Variants in AHCYL1 observed in about 807,000 individuals in gnomAD.
AHCYL1 encodes the protein S-adenosylhomocysteine hydrolase-like protein 1.
Under a neutral mutation model 79.3 loss-of-function variants are expected in AHCYL1, and 20 were observed. That is an observed-to-expected ratio of 0.25 (90% CI 0.18 to 0.37). AHCYL1 has a LOEUF of 0.37. AHCYL1 is among the 10% of genes least tolerant of loss of function. The pLI, the probability that AHCYL1 is intolerant of heterozygous loss-of-function variation, is 1.00. For synonymous variants in AHCYL1, 223 were observed against 242.2 expected (o/e 0.92, Z 0.74); for missense variants, 330 against 673.6 (o/e 0.49, Z 5.65).
At chr1:110,016,765 G>A (rs1651446148) in intron 9 of AHCYL1, 35 bp downstream of exon 9, 10 of 1,612,132 alleles carry the variant, frequency 6.2e-6, no homozygotes, top group Non-Finnish European at 8.5e-6. Context: ...CTTTCTTTTT[G>A]TGTACTTATT....
intron 12 of AHCYL1, 27 bp from the exon 13 acceptor site, chr1:110,018,525 T>C (rs771604414): frequency 3.7e-6 from 6 of 1,613,998 alleles, no homozygotes; most frequent in Non-Finnish European, 4.2e-6. Context: ...TTAATAACCA[T>C]AGTCAACTGT....
chr1:109,995,477 G>A (rs1392745763), intron 1 of AHCYL1, among the ~76,000 whole-genome samples: 3 of 152,162 alleles, frequency 2.0e-5, no homozygotes, highest in Admixed American at 1.3e-4. Context: ...TCCATCTGAT[G>A]GATTGTCTGT....
Position 110,011,242 on chromosome 1 carries a change from TG to T in AHCYL1, c.262del (p.Glu88ArgfsTer20). 1 of 1,614,110 alleles carries T rather than the reference TG, an allele frequency of 6.2e-7. No individual in the cohort carries two copies. The highest frequency in any genetic ancestry group is 8.5e-7 in the Non-Finnish European group (1 of 1,179,994). ...AASYTDSSDD[E>X]VSPREKQQTN... ...CATCCTACACAGATAGCTCTGATGA[TG>T]AGGTTTCTCCCCGAGAGAAGCAGCA... On this transcript the variant is annotated frameshift_variant, in exon 3 of 17. Coordinates refer to ENST00000369799, the MANE Select transcript of AHCYL1 (RefSeq NM_006621.7). LOFTEE classifies it high-confidence loss of function.
chr1:110,017,300 T>C (rs1557774964), intron 9 of AHCYL1, among the ~76,000 whole-genome samples, 195 bp from the exon 10 acceptor site: 1 of 152,170 alleles, frequency 6.6e-6, no homozygotes, highest in Admixed American at 6.5e-5. Context: ...GTCTGCTAAA[T>C]TACCTCTCTA....
In AHCYL1 at chr1:110,012,886, C is replaced by T. The variant is rs369037779; in HGVS notation, c.478-11C>T. The T allele has an allele frequency of 6.8e-6, 11 of 1,606,016 alleles. No individual in the cohort carries two copies. In the African/African-American group the frequency reaches 1.5e-4, roughly 22 times the overall value. Reference sequence around the variant, plus strand: ...CTCTTCCTCACCCTGTCTTCCTACACTTCTACACAGGTGTTGATTGAGACA... The same window carrying T: ...CTCTTCCTCACCCTGTCTTCCTACATTTCTACACAGGTGTTGATTGAGACA... On this transcript the variant is annotated splice_polypyrimidine_tract_variant and intron_variant, in intron 4 of 16. Transcript: ENST00000369799.
intron 3 of AHCYL1, among the ~76,000 whole-genome samples, 166 bp from the exon 4 acceptor site, chr1:110,012,196 G>C (rs1210817243): frequency 1.1e-4 from 16 of 152,224 alleles, no homozygotes; most frequent in Non-Finnish European, 2.9e-5. Flanking sequence ...TTGCATGACT[G>C]CTCTCCACTA....
rs1325706444 is a variant in AHCYL1 at position 110,019,124 on chromosome 1, G to A, written c.1386+5G>A. ...TCCATCACAGCCACAACACAGGTATGTGGCAAAATGCCTGCTTACACTGCA... is the reference window on the plus strand; with the variant it reads ...TCCATCACAGCCACAACACAGGTATATGGCAAAATGCCTGCTTACACTGCA... On this transcript the variant is annotated splice_donor_5th_base_variant and intron_variant, in intron 14 of 16. Coordinates refer to ENST00000369799, the MANE Select transcript of AHCYL1 (RefSeq NM_006621.7). 6.2e-7 allele frequency: 1 copy of A among 1,613,880 alleles called. No homozygotes were observed. Among genetic ancestry groups the A allele is most frequent in the African/African-American group, 1.3e-5 (1 of 74,924 alleles).
chr1:110,000,184 A>G lies in AHCYL1; in HGVS notation c.121-8850A>G, dbSNP rs372650255. 5.9e-5 allele frequency among the ~76,000 whole-genome samples: 9 copies of G among 152,350 alleles called. No individual in the cohort carries two copies. The East Asian group carries it at 1.2e-3, about 20-fold the overall frequency. ...TAACCAGCGAATTTCCCCAGTGACC[A>G]AAAGAGGAAAAAGAAAAAATCAGTG... is the stretch of plus-strand genomic sequence containing the variant. On this transcript the variant is annotated intron_variant, in intron 1 of 16. Transcript: ENST00000369799.
rs887647324 is a variant in AHCYL1 at position 110,022,579 on chromosome 1, A to G, written c.*899A>G. 4.6e-5 allele frequency: 7 copies of G among 152,624 alleles called. No individual in the cohort carries two copies. The highest frequency in any genetic ancestry group is 8.8e-5 in the Non-Finnish European group (6 of 68,040). 9.5% of individuals were successfully genotyped at this position (152,624 alleles called of 1,614,324 possible). ...ATAGCATCAGTGAACTGGAGCCACA[A>G]CAGCAAATTCTATCAGCTGTGTACC... On this transcript the variant is annotated 3_prime_UTR_variant, in exon 17 of 17. Transcript: ENST00000369799.
chr1:110,016,347 G>T lies in AHCYL1; in HGVS notation c.786G>T (p.Leu262=), dbSNP rs149672808. Residue 262 remains leucine, a synonymous_variant, in exon 8 of 17, where the codon CTG becomes CTT. Coordinates refer to ENST00000369799, the MANE Select transcript of AHCYL1 (RefSeq NM_006621.7). ...VEESVTGVHR[L]YQLSKAGKLC... ...TTGTGACCTCTTCTCTCTTTAGGCT[G>T]TATCAGCTCTCCAAAGCTGGGAAGC... The T allele has an allele frequency of 6.2e-7, 1 of 1,611,876 alleles. No individual in the cohort carries two copies. The highest frequency in any genetic ancestry group is 1.3e-5 in the African/African-American group (1 of 74,894).
intron 13 of AHCYL1, 150 bp from the exon 14 acceptor site, chr1:110,018,901 A>T: frequency 1.2e-6 from 1 of 807,262 alleles, no homozygotes; most frequent in South Asian, 1.6e-5. Context: ...AGAAAATAGG[A>T]AAAAGCCTAG....
At chr1:109,989,715 C>T (rs922935794) in intron 1 of AHCYL1, among the ~76,000 whole-genome samples, 11 of 152,284 alleles carry the variant, frequency 7.2e-5, no homozygotes, top group African/African-American at 2.2e-4. Flanking sequence ...TTTATACGTA[C>T]CTGTTTCTCA....
At chr1:110,004,353 A>G (rs1286986381) in intron 1 of AHCYL1, 4 of 985,388 alleles carry the variant, frequency 4.1e-6, no homozygotes, top group Non-Finnish European at 3.6e-6. Flanking sequence ...AAGTCTCAGA[A>G]GACTGGTTTC....
chr1:110,007,626 A>G (rs894048905), intron 1 of AHCYL1, among the ~76,000 whole-genome samples: 8 of 152,210 alleles, frequency 5.3e-5, no homozygotes, highest in African/African-American at 1.7e-4. Context: ...TCCTGGCTTT[A>G]AAGTGGCTGT....
chr1:109,998,693 G>A (rs767200041), intron 1 of AHCYL1, among the ~76,000 whole-genome samples: 1 of 152,080 alleles, frequency 6.6e-6, no homozygotes, highest in Non-Finnish European at 1.5e-5. Context: ...GGCCAGGCTG[G>A]TCTCGAACTT....
At chr1:110,017,324 A>G (rs904114390) in intron 9 of AHCYL1, among the ~76,000 whole-genome samples, 171 bp from the exon 10 acceptor site, 3 of 152,034 alleles carry the variant, frequency 2.0e-5, no homozygotes, top group African/African-American at 4.8e-5. Context: ...GAGGTTCACA[A>G]CGTAATCTGG....
At chr1:110,001,953 G>A (rs1253046505) in intron 1 of AHCYL1, among the ~76,000 whole-genome samples, 1 of 152,194 alleles carries the variant, frequency 6.6e-6, no homozygotes, top group Non-Finnish European at 1.5e-5. Context: ...AGGACGAGAA[G>A]AACTTCAATG....
At chr1:109,996,197 A>G (rs890035993) in intron 1 of AHCYL1, among the ~76,000 whole-genome samples, 3 of 152,178 alleles carry the variant, frequency 2.0e-5, no homozygotes, top group African/African-American at 7.2e-5. Context: ...GCAACAGAGC[A>G]AGACTATGTC....
chr1:109,985,074 C>T lies in AHCYL1; in HGVS notation c.22C>T (p.Pro8Ser). Residue 8 changes from proline (P) to serine (S), a missense_variant, in exon 1 of 17, where the codon CCG becomes TCG. Physicochemically the swap from Pro to Ser is moderately conservative, Grantham distance 74. Coordinates refer to ENST00000369799, the MANE Select transcript of AHCYL1 (RefSeq NM_006621.7). MSMPDAM[P>S]LPGVGEELKQ... The stretch of plus-strand genomic sequence containing the variant: ...GGGAATGTCGATGCCTGACGCGATG[C>T]CGCTGCCCGGGGTCGGGGAGGAGCT... The T allele has an allele frequency of 3.7e-6, 6 of 1,604,148 alleles. No homozygotes were observed. The highest frequency in any genetic ancestry group is 2.3e-5 in the East Asian group (1 of 43,988).
Sources: allele counts gnomAD v4.1 joint callset (sites outside exome capture counted in the v4.1 genomes callset), GRCh38; gene constraint gnomAD v4.1.1; transcripts MANE v1.5; gene names NCBI Gene and HGNC (gene_info 2026-07-23, HGNC 2026-07-21).